The following ADAM32 variants were observed in gnomAD, a reference collection of about 807,000 sequenced individuals.
ADAM32 encodes the protein ADAM metallopeptidase domain 32, also known as disintegrin and metalloproteinase domain-containing protein 32.
In ADAM32, 89 loss-of-function variants were observed where a neutral mutation model predicts 114.9. The observed-to-expected ratio is 0.77, with a 90% CI of 0.65 to 0.92. The LOEUF is 0.92. Ranked by LOEUF, ADAM32 falls within the 40% of genes least tolerant of loss-of-function variation. The pLI, the probability that ADAM32 is intolerant of heterozygous loss-of-function variation, is 0.00. For missense variants in ADAM32, 870 were observed against 932.8 expected, an observed-to-expected ratio of 0.93 and a Z score of 0.88; for synonymous variants, 285 against 307.5, an observed-to-expected ratio of 0.93 and a Z score of 0.77.
Position 39,164,854 on chromosome 8 carries a change from A to C in ADAM32, c.666+19A>C. 1 of 1,586,270 alleles carries C rather than the reference A, an allele frequency of 6.3e-7. No individual in the cohort carries two copies. Among genetic ancestry groups the C allele is most frequent in the Non-Finnish European group, 8.6e-7 (1 of 1,161,808 alleles). On this transcript the variant is annotated intron_variant, in intron 8 of 24. Coordinates refer to ENST00000379907, the MANE Select transcript of ADAM32 (RefSeq NM_145004.7). ...AAATTCAGTAAGTGTTTTCCTTTTC[A>C]TATTAAAATAATTGTTGTTTTGAAA...
intron 11 of ADAM32, among the ~76,000 whole-genome samples, chr8:39,200,634 C>G (rs1462282268): frequency 6.6e-6 from 1 of 152,152 alleles, no homozygotes; most frequent in Non-Finnish European, 1.5e-5. Flanking sequence ...TTAATTAGAT[C>G]CCATTTGTCA....
intron 16 of ADAM32, among the ~76,000 whole-genome samples, chr8:39,241,370 G>C (rs189472627): frequency 6.6e-6 from 1 of 152,320 alleles, no homozygotes; most frequent in East Asian, 1.9e-4. Flanking sequence ...GACTACACTA[G>C]GCAGTGCCCC....
intron 17 of ADAM32, 71 bp from the exon 18 acceptor site, chr8:39,254,343 G>T (rs750313458): frequency 2.8e-4 from 362 of 1,272,384 alleles, no homozygotes; most frequent in Non-Finnish European, 3.8e-4. Flanking sequence ...TGGTACAAAA[G>T]TAAGCTTGAT....
chr8:39,185,315 C>T (rs935796162), intron 10 of ADAM32, among the ~76,000 whole-genome samples: 1 of 146,472 alleles, frequency 6.8e-6, no homozygotes, highest in African/African-American at 2.5e-5. Flanking sequence ...AGATCCATTG[C>T]ACTATGCTAC....
At chr8:39,283,062 AT>A (rs1423272080) in intron 23 of ADAM32, among the ~76,000 whole-genome samples, 2 of 152,064 alleles carry the variant, frequency 1.3e-5, no homozygotes, top group Non-Finnish European at 2.9e-5. Context: ...TTTCTCCCCC[AT>A]TCTTTTAGTT....
chr8:39,184,377 A>G (rs1471265184), intron 10 of ADAM32, among the ~76,000 whole-genome samples: 1 of 152,196 alleles, frequency 6.6e-6, no homozygotes, highest in African/African-American at 2.4e-5. Context: ...TAGTATTTCT[A>G]TTCCAGCCAT....
intron 14 of ADAM32, among the ~76,000 whole-genome samples, chr8:39,230,906 T>C (rs1281136451): frequency 1.3e-5 from 2 of 152,180 alleles, no homozygotes; most frequent in African/African-American, 4.8e-5. Context: ...TCTACTTTTG[T>C]CAATAAAGCA....
At chr8:39,146,672 A>G (rs1401390423) in intron 3 of ADAM32, among the ~76,000 whole-genome samples, 1 of 152,166 alleles carries the variant, frequency 6.6e-6, no homozygotes, top group Non-Finnish European at 1.5e-5. Flanking sequence ...TGGCCTCCCA[A>G]AGTGTTGGGA....
chr8:39,107,833 G>A lies in ADAM32; in HGVS notation c.58G>A (p.Gly20Ser). The change falls in exon 1 of 25, where the codon GGT becomes AGT. Residue 20 changes from glycine (G) to serine (S), a missense_variant and splice_region_variant. Gly to Ser is a moderately conservative substitution (Grantham distance 56). Transcript: ENST00000379907. ...CTGCGGCCTCCTGGCGTCAAGACCC[G>A]GTGAGCCAGCCCAGACCCTGACACT... ...GLCGLLASRP[G>S]FQNSLLQIVI... 1 of 1,544,690 alleles carries A rather than the reference G, an allele frequency of 6.5e-7. No individual in the cohort carries two copies. Among genetic ancestry groups the A allele is most frequent in the Non-Finnish European group, 8.7e-7 (1 of 1,144,066 alleles).
At chr8:39,206,455 G>A (rs1807840104) in intron 11 of ADAM32, among the ~76,000 whole-genome samples, 1 of 152,200 alleles carries the variant, frequency 6.6e-6, no homozygotes. Flanking sequence ...AAGTCAGCAG[G>A]TGGGGCAAGC....
chr8:39,175,408 G>T (rs1407083852), intron 10 of ADAM32, among the ~76,000 whole-genome samples: 2 of 152,026 alleles, frequency 1.3e-5, no homozygotes, highest in African/African-American at 2.4e-5. Flanking sequence ...TTTTTTCAAA[G>T]GATTTTTCTG....
At chr8:39,197,055 T>C (rs1807056977) in intron 11 of ADAM32, among the ~76,000 whole-genome samples, 1 of 152,158 alleles carries the variant, frequency 6.6e-6, no homozygotes, top group African/African-American at 2.4e-5. Context: ...TATTTCTTCC[T>C]TGTTCAATCT....
chr8:39,198,078 T>C (rs762485936), intron 11 of ADAM32, among the ~76,000 whole-genome samples: 2 of 151,760 alleles, frequency 1.3e-5, no homozygotes, highest in African/African-American at 2.4e-5. Flanking sequence ...AATGACTTGG[T>C]TTTTTTTATG....
intron 6 of ADAM32, among the ~76,000 whole-genome samples, chr8:39,155,773 CT>C (rs1237286959): frequency 6.6e-6 from 1 of 152,002 alleles, no homozygotes; most frequent in East Asian, 1.9e-4. Flanking sequence ...TTACTGCCTT[CT>C]TTTGTTTAGT....
At chr8:39,233,231 T>C (rs1176715485) in intron 15 of ADAM32, among the ~76,000 whole-genome samples, 7 of 152,198 alleles carry the variant, frequency 4.6e-5, no homozygotes, top group Admixed American at 6.5e-5. Flanking sequence ...CAGCATGGAC[T>C]GCTCAGCTGC....
intron 16 of ADAM32, among the ~76,000 whole-genome samples, chr8:39,236,031 T>G (rs753881381): frequency 1.3e-5 from 2 of 152,214 alleles, no homozygotes; most frequent in Non-Finnish European, 2.9e-5. Context: ...ATTATTGTAC[T>G]CGTGTAAAAA....
chr8:39,112,503 AT>A (rs1173640145), intron 1 of ADAM32, among the ~76,000 whole-genome samples: 2 of 152,228 alleles, frequency 1.3e-5, no homozygotes, highest in Non-Finnish European at 2.9e-5. Context: ...TCTTAAAGTT[AT>A]TTTACAACTT....
chr8:39,118,745 A>G (rs916298756), intron 2 of ADAM32, among the ~76,000 whole-genome samples: 1 of 152,192 alleles, frequency 6.6e-6, no homozygotes, highest in Non-Finnish European at 1.5e-5. Flanking sequence ...TTCTATTTTT[A>G]GCAGTTTTGT....
At chr8:39,218,167 G>A (rs565581288) in intron 12 of ADAM32, among the ~76,000 whole-genome samples, 1 of 152,188 alleles carries the variant, frequency 6.6e-6, no homozygotes, top group South Asian at 2.1e-4. Flanking sequence ...GAATTCTCTG[G>A]ATTACCAGGC....
Sources: gnomAD v4.1 joint callset for allele counts (sites outside exome capture counted in the v4.1 genomes callset) on GRCh38, gnomAD v4.1.1 for gene constraint, MANE v1.5 for transcripts, NCBI Gene and HGNC (gene_info 2026-07-23, HGNC 2026-07-21) for gene names.